Variants in BRD9 observed in about 807,000 individuals in gnomAD.
BRD9 encodes bromodomain-containing protein 9.
BRD9 carries 47 observed loss-of-function variants against 68.7 expected under a neutral mutation model. That is an observed-to-expected ratio of 0.68 (90% confidence interval 0.54 to 0.87). The LOEUF is 0.87. Ranked by LOEUF, BRD9 falls within the 40% of genes least tolerant of loss-of-function variation. The pLI, the probability that BRD9 is intolerant of heterozygous loss-of-function variation, is 0.00. For synonymous variants in BRD9, 313 were observed against 293.9 expected (o/e 1.06, Z -0.67); for missense variants, 670 against 748.4 (o/e 0.90, Z 1.22).
chr5:865,447 A>T lies in BRD9; in HGVS notation c.1660T>A (p.Ser554Thr). 1 of 1,594,250 alleles carries T rather than the reference A, an allele frequency of 6.3e-7. No individual in the cohort carries two copies. Among genetic ancestry groups the T allele is most frequent in the Non-Finnish European group, 8.6e-7 (1 of 1,167,454 alleles). Residue 554 changes from serine (S) to threonine (T), a missense_variant, in exon 15 of 16, where the codon TCC becomes ACC. By Grantham distance (58) the Ser-to-Thr change is moderately conservative. Coordinates refer to ENST00000467963, the MANE Select transcript of BRD9 (RefSeq NM_023924.5). Reference sequence around the variant, plus strand: ...TGCTGGTCCCTCTCGGAGGCGTTGGACAGGGAGCTGAGGTTGGACGACGGC... The same window carrying T: ...TGCTGGTCCCTCTCGGAGGCGTTGGTCAGGGAGCTGAGGTTGGACGACGGC... ...SRPSSNLSSLSNASERDQHHL... is the reference protein window; with the variant it reads ...SRPSSNLSSLTNASERDQHHL...
chr5:887,323 T>C (rs1413223617), intron 6 of BRD9, 38 bp downstream of exon 6: 3 of 1,550,236 alleles, frequency 1.9e-6, no homozygotes, highest in Admixed American at 1.7e-5. Flanking sequence ...GCAGAGCCCC[T>C]GCTTTCCGTA....
chr5:869,940 T>C (rs1206454452), intron 14 of BRD9, among the ~76,000 whole-genome samples: 1 of 152,236 alleles, frequency 6.6e-6, no homozygotes. Flanking sequence ...GCCACGGTCT[T>C]CGTATTTCAC....
chr5:872,385 T>A (rs1445907381), intron 12 of BRD9, among the ~76,000 whole-genome samples: 1 of 152,318 alleles, frequency 6.6e-6, no homozygotes, highest in African/African-American at 2.4e-5. Context: ...CAACTCCATA[T>A]CCAAGTTCAC....
At chr5:870,114 G>C (rs1343207088) in intron 14 of BRD9, among the ~76,000 whole-genome samples, 1 of 152,202 alleles carries the variant, frequency 6.6e-6, no homozygotes, top group Non-Finnish European at 1.5e-5. Flanking sequence ...CTTCTTCCCA[G>C]AGCCTCCAGG....
intron 7 of BRD9, 50 bp from the exon 8 acceptor site, chr5:884,120 C>T (rs910004746): frequency 4.4e-6 from 7 of 1,594,874 alleles, no homozygotes; most frequent in Non-Finnish European, 6.0e-6. Flanking sequence ...CCCCACCGCA[C>T]ACCTGCTCCC....
rs1020168531 is a variant in BRD9, at chr5:883,960, T to C, written c.944A>G (p.Asn315Ser). The stretch of plus-strand genomic sequence containing the variant: ...TACCTTGCCGCCTGGGAGGAACCGG[T>C]TGATCCTGTCCCGAGCTTCGTCAGC... ...HAADEARDRINRFLPGGKMGY... is the reference protein window; with the variant it reads ...HAADEARDRISRFLPGGKMGY... The change falls in exon 8 of 16, where the codon AAC (asparagine) becomes AGC (serine). Residue 315 changes from asparagine (N) to serine (S), a missense_variant. By Grantham distance (46) the Asn-to-Ser change is conservative. Coordinates refer to ENST00000467963, the MANE Select transcript of BRD9 (RefSeq NM_023924.5). 1.9e-6 allele frequency: 3 copies of C among 1,612,782 alleles called. No individual in the cohort carries two copies. Among genetic ancestry groups the C allele is most frequent in the Admixed American group, 1.7e-5 (1 of 59,994 alleles).
Position 871,528 on chromosome 5 carries a change from T to C in BRD9, c.1420A>G (p.Lys474Glu). 1 of 1,614,150 alleles carries C rather than the reference T, an allele frequency of 6.2e-7. No homozygotes were observed. The highest frequency in any genetic ancestry group is 8.5e-7 in the Non-Finnish European group (1 of 1,179,958). The part of the protein sequence containing the change: ...NVPMKPPDEA[K>E]VGDTLGDSSS... ...CCCTTCCATGTTCAAAAACTTACCT[T>C]GGCTTCATCTGGAGGCTTCATGGGA... Residue 474 changes from lysine to glutamate, a missense_variant and splice_region_variant, in exon 13 of 16, where the codon AAG becomes GAG. Transcript: ENST00000467963.
Position 864,308 on chromosome 5 carries a change from A to G in BRD9, c.*160T>C, listed in dbSNP as rs1749021824. On this transcript the variant is annotated 3_prime_UTR_variant, in exon 16 of 16. Transcript: ENST00000467963. ...TCCTCAGGGTTCGTGGGGCTTGGAGACTCTGCTGACATGATACCACAGACA... is the reference window on the plus strand; with the variant it reads ...TCCTCAGGGTTCGTGGGGCTTGGAGGCTCTGCTGACATGATACCACAGACA... 3.6e-6 allele frequency: 2 copies of G among 560,114 alleles called. No homozygotes were observed. Among genetic ancestry groups the G allele is most frequent in the Admixed American group, 3.2e-5 (1 of 31,186 alleles). The allele number at this position is 560,114 out of a possible 1,614,324, so 34.7% of individuals were successfully genotyped here. A position where few individuals can be genotyped will look rare whatever the true frequency, so the allele number is the denominator to read the frequency against.
intron 7 of BRD9, 63 bp from the exon 8 acceptor site, chr5:884,133 T>C: frequency 6.3e-7 from 1 of 1,581,844 alleles, no homozygotes; most frequent in Non-Finnish European, 8.6e-7. Context: ...CTGCTCCCCA[T>C]GCGTCGGCAC....
rs534074232 is a variant in BRD9 at position 875,923 on chromosome 5, C to A, written c.1383+178G>T. 2.0e-5 allele frequency among the ~76,000 whole-genome samples: 3 copies of A among 152,338 alleles called. No individual in the cohort carries two copies. The South Asian group carries it at 6.2e-4, about 32-fold the overall frequency. On this transcript the variant is annotated intron_variant, in intron 12 of 15. Coordinates refer to ENST00000467963, the MANE Select transcript of BRD9 (RefSeq NM_023924.5). The stretch of plus-strand genomic sequence containing the variant: ...GCGCTGGGAGTGGTGAGCACACAGT[C>A]ACGGTCTCCGGGGGACACCTGCCCG...
intron 14 of BRD9, among the ~76,000 whole-genome samples, chr5:867,943 CA>C (rs771399904): frequency 1.5e-4 from 23 of 152,170 alleles, no homozygotes; most frequent in Non-Finnish European, 2.9e-4. Flanking sequence ...CGAGAGGAGT[CA>C]GGGGCAGAAT....
chr5:873,172 G>GA (rs1266439512), intron 12 of BRD9, among the ~76,000 whole-genome samples: 5 of 150,172 alleles, frequency 3.3e-5, no homozygotes, highest in East Asian at 3.9e-4. Context: ...GTCTCAAAAA[G>GA]AAAAAAAAAG....
chr5:867,954 T>C lies in BRD9; in HGVS notation c.1526-2373A>G, dbSNP rs565406802. Reference sequence around the variant, plus strand: ...GATTCGAGAGGAGTCAGGGGCAGAATGATACAGTTTGGCTCTGTATTCCTG... The same window carrying C: ...GATTCGAGAGGAGTCAGGGGCAGAACGATACAGTTTGGCTCTGTATTCCTG... On this transcript the variant is annotated intron_variant, in intron 14 of 15. Coordinates refer to ENST00000467963, the MANE Select transcript of BRD9 (RefSeq NM_023924.5). Among the ~76,000 whole-genome samples, 15 of 152,352 alleles carry C rather than the reference T, an allele frequency of 9.8e-5. No homozygotes were observed. In the East Asian group the frequency reaches 2.5e-3, roughly 25 times the overall value.
chr5:891,842 T>C lies in BRD9; in HGVS notation c.65A>G (p.Lys22Arg). Reference protein sequence around the residue: ...WRSSYEDYADKPLEKPLKLVL... With the variant: ...WRSSYEDYADRPLEKPLKLVL... ...TAGCTTTAGAGGCTTCTCCAGGGGC[T>C]TGTCGGCATAATCTGCACAGACACA... Residue 22 changes from lysine to arginine, a missense_variant, in exon 2 of 16, where the codon AAG becomes AGG. Physicochemically the swap from Lys to Arg is conservative, Grantham distance 26. This residue lies in a region of BRD9 where 161 missense variants were observed against 148.1 expected (regional missense o/e 1.09). Coordinates refer to ENST00000467963, the MANE Select transcript of BRD9 (RefSeq NM_023924.5). 6.4e-7 allele frequency: 1 copy of C among 1,551,446 alleles called. No individual in the cohort carries two copies. Among genetic ancestry groups the C allele is most frequent in the South Asian group, 1.2e-5 (1 of 84,062 alleles).
At chr5:885,445 C>A (rs773643496) in intron 7 of BRD9, among the ~76,000 whole-genome samples, 1 of 152,196 alleles carries the variant, frequency 6.6e-6, no homozygotes, top group African/African-American at 2.4e-5. Context: ...GTTAAATCCA[C>A]GTGAGTCCCA....
chr5:868,530 C>T (rs1004102518), intron 14 of BRD9: 30 of 152,396 alleles, frequency 2.0e-4, no homozygotes, highest in African/African-American at 6.7e-4. Flanking sequence ...AGGGATTGTT[C>T]ACAGCTCCAA....
chr5:884,203 C>T, intron 7 of BRD9, 133 bp from the exon 8 acceptor site: 1 of 1,055,392 alleles, frequency 9.5e-7, no homozygotes, highest in Non-Finnish European at 1.3e-6. Flanking sequence ...ATACTTAACT[C>T]CTTTTAGGTC....
intron 5 of BRD9, among the ~76,000 whole-genome samples, chr5:887,985 CG>C (rs1448127135): frequency 6.6e-6 from 1 of 152,210 alleles, no homozygotes; most frequent in Non-Finnish European, 1.5e-5. Flanking sequence ...GGTGAAAATA[CG>C]GAAGCATCAG....
intron 14 of BRD9, 52 bp downstream of exon 14, chr5:870,420 TC>T: frequency 1.4e-6 from 2 of 1,397,872 alleles, no homozygotes; most frequent in Admixed American, 3.4e-5. Context: ...TGTGTTTTCT[TC>T]CTCTATCACA....
Sources: allele counts gnomAD v4.1 joint callset (sites outside exome capture counted in the v4.1 genomes callset), GRCh38; gene constraint gnomAD v4.1.1; regional missense constraint gnomAD v4.1.1; transcripts MANE v1.5; gene names NCBI Gene and HGNC (gene_info 2026-07-23, HGNC 2026-07-21).